The following ELP4 variants were observed in gnomAD, a reference collection of about 807,000 sequenced individuals.
ELP4 encodes the protein elongator complex protein 4.
Under a neutral mutation model 48.9 loss-of-function variants are expected in ELP4, and 51 were observed. The observed-to-expected ratio is 1.04, with a 90% CI of 0.83 to 1.32. ELP4 has a LOEUF of 1.32. Ranked by LOEUF, ELP4 falls within the 40% of genes most tolerant of loss-of-function variation. The probability of loss-of-function intolerance (pLI) is 0.00; values close to 1 mark genes in which losing one functional copy is unlikely to be tolerated. For synonymous variants in ELP4, 210 were observed against 189.2 expected (o/e 1.11, Z -0.90); for missense variants, 519 against 514.6 (o/e 1.01, Z -0.08).
chr11:31,624,451 G>A (rs1592168390), intron 5 of ELP4, among the ~76,000 whole-genome samples: 1 of 151,512 alleles, frequency 6.6e-6, no homozygotes, highest in Non-Finnish European at 1.5e-5. Flanking sequence ...ATAAAAAGGG[G>A]TACACCTGTA....
intron 9 of ELP4, among the ~76,000 whole-genome samples, chr11:31,685,759 T>C (rs962192144): frequency 6.6e-6 from 1 of 151,970 alleles, no homozygotes; most frequent in African/African-American, 2.4e-5. Flanking sequence ...GTGAAACCCC[T>C]TCTCTACTAA....
At chr11:31,632,453 A>G in intron 7 of ELP4, 48 bp downstream of exon 7, 1 of 1,470,718 alleles carries the variant, frequency 6.8e-7, no homozygotes, top group Non-Finnish European at 9.2e-7. Context: ...GTAATATAGT[A>G]TGACATTGTG....
chr11:31,781,198 G>A (rs1948365593), intron 9 of ELP4, among the ~76,000 whole-genome samples: 1 of 152,138 alleles, frequency 6.6e-6, no homozygotes, highest in African/African-American at 2.4e-5. Context: ...TTACCAAACA[G>A]CCTAATCACC....
chr11:31,526,975 G>T (rs2973129), intron 2 of ELP4, among the ~76,000 whole-genome samples: 1 of 151,690 alleles, frequency 6.6e-6, no homozygotes, highest in Non-Finnish European at 1.5e-5. Flanking sequence ...GTACTTACAT[G>T]TTTTATAATA....
chr11:31,744,426 A>G (rs1341136352), intron 9 of ELP4, among the ~76,000 whole-genome samples: 3 of 152,242 alleles, frequency 2.0e-5, no homozygotes, highest in Non-Finnish European at 4.4e-5. Context: ...AAAGCCTGGC[A>G]GAGACACAAC....
At chr11:31,646,406 C>T (rs1270526762) in intron 7 of ELP4, 2 of 151,652 alleles carry the variant, frequency 1.3e-5, no homozygotes, top group East Asian at 3.9e-4. Flanking sequence ...GTGAGTTAAC[C>T]AGTCATTTCA....
At chr11:31,621,089 A>G (rs751686705) in intron 5 of ELP4, among the ~76,000 whole-genome samples, 5 of 151,932 alleles carry the variant, frequency 3.3e-5, no homozygotes, top group Non-Finnish European at 5.9e-5. Flanking sequence ...TGCTAATATA[A>G]CTTTAACTCA....
intron 3 of ELP4, among the ~76,000 whole-genome samples, chr11:31,549,093 A>G (rs1461192418): frequency 2.0e-5 from 3 of 152,042 alleles, no homozygotes; most frequent in African/African-American, 7.3e-5. Context: ...CTTCATGTCT[A>G]AAACACCAAA....
chr11:31,748,832 C>G (rs1375979945), intron 9 of ELP4, among the ~76,000 whole-genome samples: 1 of 151,986 alleles, frequency 6.6e-6, no homozygotes, highest in Non-Finnish European at 1.5e-5. Context: ...AGCAAGACCC[C>G]ATCTGTATCA....
Position 31,786,313 on chromosome 11 carries a change from ACAG to A in ELP4, c.*2792_*2794del, listed in dbSNP as rs1169837578. On this transcript the variant is annotated 3_prime_UTR_variant, in exon 10 of 10. Transcript: ENST00000640961. Reference sequence around the variant, plus strand: ...GCCCATTATTAATGTCATTTCTAAGACAGCATGTTACTGCTTTCCAAAGATAGT... The same window carrying A: ...GCCCATTATTAATGTCATTTCTAAGACATGTTACTGCTTTCCAAAGATAGT... 9.5e-6 allele frequency: 2 copies of A among 210,414 alleles called. No individual in the cohort carries two copies. The highest frequency in any genetic ancestry group is 4.5e-5 in the African/African-American group (2 of 44,168). 13.0% of individuals were successfully genotyped at this position (210,414 alleles called of 1,614,324 possible). A position where few individuals can be genotyped will look rare whatever the true frequency, so the allele number is the denominator to read the frequency against.
At chr11:31,655,689 G>T (rs1945418601) in intron 9 of ELP4, among the ~76,000 whole-genome samples, 1 of 151,936 alleles carries the variant, frequency 6.6e-6, no homozygotes. Context: ...TTAAAGTTAG[G>T]GTTGAGTCAT....
intron 1 of ELP4, chr11:31,510,428 A>G (rs1955968924): frequency 4.9e-6 from 2 of 411,644 alleles, no homozygotes; most frequent in Non-Finnish European, 4.3e-6. Context: ...GACAGACTTC[A>G]TTAGAAGATG....
chr11:31,628,367 A>T (rs997476396), intron 6 of ELP4: 1 of 151,836 alleles, frequency 6.6e-6, no homozygotes, highest in African/African-American at 2.4e-5. Context: ...TTGCAGGATG[A>T]TGATGACACA....
At chr11:31,668,716 GTGTGTA>G (rs149581026) in intron 9 of ELP4, among the ~76,000 whole-genome samples, 2,787 of 135,594 alleles carry the variant, frequency 0.021, 67 homozygotes, top group African/African-American at 0.059. Context: ...GTGTGTGTGT[GTGTGTA>G]AGAACCCTGT....
At chr11:31,673,176 C>G (rs1237292159) in intron 9 of ELP4, among the ~76,000 whole-genome samples, 1 of 151,988 alleles carries the variant, frequency 6.6e-6, no homozygotes, top group Admixed American at 6.6e-5. Flanking sequence ...ACCACCATGT[C>G]CGGCTAATTT....
rs965880749 is a variant in ELP4 at position 31,785,750 on chromosome 11, C to T, written c.*2226C>T. 7 of 193,008 alleles carry T rather than the reference C, an allele frequency of 3.6e-5. No homozygotes were observed. Among genetic ancestry groups the T allele is most frequent in the Non-Finnish European group, 7.6e-5 (7 of 92,566 alleles). The allele number at this position is 193,008 out of a possible 1,614,324, so 12.0% of individuals were successfully genotyped here. On this transcript the variant is annotated 3_prime_UTR_variant, in exon 10 of 10. Transcript: ENST00000640961. ...TCTTCTGGAAACATTATTTGTTACT[C>T]ATTATGTTAATAACTTACTACATAA...
chr11:31,574,059 T>G (rs1277303832), intron 3 of ELP4, among the ~76,000 whole-genome samples: 1 of 152,236 alleles, frequency 6.6e-6, no homozygotes, highest in East Asian at 1.9e-4. Flanking sequence ...TAGTTGAAAT[T>G]TGAGGAGAGC....
intron 3 of ELP4, among the ~76,000 whole-genome samples, chr11:31,550,392 T>A (rs1199553908): frequency 3.3e-5 from 5 of 152,088 alleles, no homozygotes; most frequent in African/African-American, 1.2e-4. Context: ...CTTCAAAAAG[T>A]TTGTGGAAAA....
chr11:31,727,407 T>C (rs984084129), intron 9 of ELP4, among the ~76,000 whole-genome samples: 5 of 152,162 alleles, frequency 3.3e-5, no homozygotes, highest in African/African-American at 9.6e-5. Context: ...ATGTTCTTTC[T>C]AATATAGCAC....
Sources: gnomAD v4.1 joint callset for allele counts (sites outside exome capture counted in the v4.1 genomes callset) on GRCh38, gnomAD v4.1.1 for gene constraint, MANE v1.5 for transcripts, NCBI Gene and HGNC (gene_info 2026-07-23, HGNC 2026-07-21) for gene names.